PXMP2: variants seen among roughly 807,000 people sequenced by gnomAD.
PXMP2 encodes 22 kDa peroxisomal membrane protein.
In PXMP2, 13 loss-of-function variants were observed where a neutral mutation model predicts 20.2. The ratio of observed to expected loss-of-function variants is 0.64; its 90% CI spans 0.42 to 1.02. The LOEUF is 1.02. Among genes scored for constraint, PXMP2 ranks in the 50% least tolerant of loss-of-function variants. PXMP2 has a pLI of 0.00. For synonymous variants in PXMP2, 113 were observed against 111.2 expected (o/e 1.02, Z -0.10); for missense variants, 284 against 251.8 (o/e 1.13, Z -0.87).
intron 2 of PXMP2, among the ~76,000 whole-genome samples, chr12:132,694,775 T>A (rs2043400197): frequency 8.5e-6 from 1 of 117,414 alleles, no homozygotes; most frequent in African/African-American, 3.2e-5. Flanking sequence ...TGAGTGCCCT[T>A]GCCAGTTAGT....
intron 2 of PXMP2, among the ~76,000 whole-genome samples, chr12:132,694,093 GC>G (rs2043391999): frequency 8.7e-6 from 1 of 114,650 alleles, no homozygotes; most frequent in African/African-American, 3.6e-5. Flanking sequence ...AGCGCCCTTA[GC>G]CAGTTAGTGA....
chr12:132,697,973 G>T (rs1250638038), intron 3 of PXMP2, among the ~76,000 whole-genome samples: 3 of 151,076 alleles, frequency 2.0e-5, no homozygotes, highest in African/African-American at 4.9e-5. Context: ...ATCTCTAGGA[G>T]CACCAGCCAG....
In PXMP2 at chr12:132,696,401, T is replaced by C. The variant is rs1180441028; in HGVS notation, c.399+355T>C. Among the ~76,000 whole-genome samples the C allele has an allele frequency of 6.6e-6, 1 of 152,154 alleles. No individual in the cohort carries two copies. The highest frequency in any genetic ancestry group is 1.5e-5 in the Non-Finnish European group (1 of 68,026). On this transcript the variant is annotated intron_variant, in intron 3 of 4. Transcript: ENST00000317479. The surrounding 1 kb of genome is among the most constrained non-coding windows in gnomAD (Gnocchi z 4.4). ...ACATGTGCGTGCCACCACACCCAGCTAATCAGATATTTTTATATCACATCA... is the reference window on the plus strand; with the variant it reads ...ACATGTGCGTGCCACCACACCCAGCCAATCAGATATTTTTATATCACATCA...
At chr12:132,702,473 G>A (rs1193631048) in intron 4 of PXMP2, 2 of 409,632 alleles carry the variant, frequency 4.9e-6, no homozygotes, top group Admixed American at 5.2e-5. Flanking sequence ...ATGGGGTGCA[G>A]CACCCCCTGC....
chr12:132,704,138 T>C (rs1007921263), intron 4 of PXMP2, among the ~76,000 whole-genome samples: 10 of 152,178 alleles, frequency 6.6e-5, no homozygotes, highest in African/African-American at 2.2e-4. Context: ...AGGGAGAGAC[T>C]CAGCACTGGG....
intron 1 of PXMP2, chr12:132,688,051 G>A (rs1381468168): frequency 4.5e-6 from 1 of 223,236 alleles, no homozygotes; most frequent in Non-Finnish European, 8.1e-6. Context: ...CGGCGCTGAG[G>A]TTCCACCCAA....
intron 2 of PXMP2, among the ~76,000 whole-genome samples, chr12:132,690,885 G>A (rs1020658277): frequency 6.6e-6 from 1 of 151,890 alleles, no homozygotes; most frequent in African/African-American, 2.4e-5. Flanking sequence ...TGGATGGGTA[G>A]GGGTGACTGT....
Position 132,696,134 on chromosome 12 carries a change from G to A in PXMP2, c.399+88G>A. Reference sequence around the variant, plus strand: ...ATTCTCGGCAGAATTCAGAGGGTCTGCAGATTTTTCACTCAAATTGAAATT... The same window carrying A: ...ATTCTCGGCAGAATTCAGAGGGTCTACAGATTTTTCACTCAAATTGAAATT... On this transcript the variant is annotated intron_variant, in intron 3 of 4. Coordinates refer to ENST00000317479, the MANE Select transcript of PXMP2 (RefSeq NM_018663.3). This position sits in a 1 kb window ranked among gnomAD's most constrained non-coding sequence, Gnocchi z 4.4. 7.2e-7 allele frequency: 1 copy of A among 1,396,568 alleles called. No homozygotes were observed. The highest frequency in any genetic ancestry group is 9.5e-7 in the Non-Finnish European group (1 of 1,048,548). 86.5% of individuals were successfully genotyped at this position (1,396,568 alleles called of 1,614,324 possible).
At position 132,695,904 on chromosome 12, in the gene PXMP2, T is replaced by C; in HGVS notation, c.257T>C (p.Leu86Pro). 6.2e-7 allele frequency: 1 copy of C among 1,607,508 alleles called. No homozygotes were observed. The highest frequency in any genetic ancestry group is 8.5e-7 in the Non-Finnish European group (1 of 1,176,830). ...AVYGFFFTGP[L>P]SHFFYFFMEH... ...CTCAGGTTCTTCTTCACAGGGCCGC[T>C]GAGTCACTTCTTCTACTTCTTCATG... The change falls in exon 3 of 5, where the codon CTG (leucine) becomes CCG (proline). Residue 86 changes from leucine (L) to proline (P), a missense_variant. Physicochemically the swap from Leu to Pro is moderately conservative, Grantham distance 98. Coordinates refer to ENST00000317479, the MANE Select transcript of PXMP2 (RefSeq NM_018663.3).
chr12:132,698,578 T>G (rs986435773), intron 3 of PXMP2, among the ~76,000 whole-genome samples: 4 of 152,240 alleles, frequency 2.6e-5, no homozygotes, highest in Admixed American at 6.5e-5. Flanking sequence ...TTTGAAATAT[T>G]CTCATTTCCA....
rs544795992 is a variant in PXMP2, at chr12:132,700,848, CT to C, written c.400-387del. Among the ~76,000 whole-genome samples, 585 of 140,020 alleles carry C rather than the reference CT, an allele frequency of 4.2e-3. 7 individuals carry two copies. The highest frequency in any genetic ancestry group is 0.013 in the African/African-American group (480 of 37,618). The allele number at this position is 140,020 out of a possible 152,430, so 91.9% of individuals were successfully genotyped here. ...CATTTAGAATGAACTTACTGGAGTCCTTTTTTTTTTTTTTTCATAACTCCTA... is the reference window on the plus strand; with the variant it reads ...CATTTAGAATGAACTTACTGGAGTCCTTTTTTTTTTTTTTCATAACTCCTA... On this transcript the variant is annotated intron_variant, in intron 3 of 4. Transcript: ENST00000317479.
intron 2 of PXMP2, among the ~76,000 whole-genome samples, chr12:132,694,006 T>A (rs569567217): frequency 9.0e-6 from 1 of 110,846 alleles, no homozygotes; most frequent in Non-Finnish European, 2.1e-5. Context: ...AGTTAGTTAG[T>A]GAGCTCCCTT....
At chr12:132,694,526 AGCCAGTTAGATAGTGAGCGCCCTT>A (rs2043396815) in intron 2 of PXMP2, among the ~76,000 whole-genome samples, 5 of 64,554 alleles carry the variant, frequency 7.7e-5, no homozygotes, top group Admixed American at 1.6e-4. Flanking sequence ...GAGCGCCCTT[AGCCAGTTAGATAGTGAGCGCCCTT>A]GCCAGTTAGT....
At chr12:132,693,302 A>T (rs371721964) in intron 2 of PXMP2, among the ~76,000 whole-genome samples, 3 of 32,576 alleles carry the variant, frequency 9.2e-5, no homozygotes, top group African/African-American at 1.0e-4. Context: ...AGCCAGTTAG[A>T]TAGTGAGCGC....
rs138286436 is a variant in PXMP2, at chr12:132,696,781, T to C, written c.399+735T>C. ...CGCCACTGCACTCTAGCCTGGGTAA[T>C]AGAGCCAGACTCCGTCTCAAAAACA... On this transcript the variant is annotated intron_variant, in intron 3 of 4. Transcript: ENST00000317479. The surrounding 1 kb of genome is among the most constrained non-coding windows in gnomAD (Gnocchi z 4.4). 0.011 allele frequency among the ~76,000 whole-genome samples: 1,701 copies of C among 149,996 alleles called. 23 individuals are homozygous for C. The highest frequency in any genetic ancestry group is 0.038 in the African/African-American group (1,539 of 40,788).
intron 3 of PXMP2, among the ~76,000 whole-genome samples, chr12:132,699,552 A>G (rs1419297844): frequency 8.1e-6 from 1 of 123,524 alleles, no homozygotes; most frequent in Non-Finnish European, 1.6e-5. Context: ...TTTTTTTGAC[A>G]CAGAGTCTCG....
In PXMP2 at chr12:132,687,642, G is replaced by A; in HGVS notation, c.-29G>A. 2 of 1,154,240 alleles carry A rather than the reference G, an allele frequency of 1.7e-6. No homozygotes were observed. The highest frequency in any genetic ancestry group is 2.1e-6 in the Non-Finnish European group (2 of 939,498). The allele number at this position is 1,154,240 out of a possible 1,614,324, so 71.5% of individuals were successfully genotyped here. A position where few individuals can be genotyped will look rare whatever the true frequency, so the allele number is the denominator to read the frequency against. ...CCGGCCAGCCTGAGGTGGGGTCGGT[G>A]CCCCCGGCGGCACGGCGCTGGGGAG... On this transcript the variant is annotated 5_prime_UTR_variant, in exon 1 of 5. Transcript: ENST00000317479.
chr12:132,691,050 AAT>A (rs1491263192), intron 2 of PXMP2, among the ~76,000 whole-genome samples: 2 of 130,990 alleles, frequency 1.5e-5, no homozygotes, highest in Non-Finnish European at 3.3e-5. Flanking sequence ...TTGTTATTTT[AAT>A]TTTTTTTTTT....
chr12:132,695,868 C>T lies in PXMP2; in HGVS notation c.237-16C>T, dbSNP rs944571277. The T allele has an allele frequency of 6.3e-7, 1 of 1,594,898 alleles. No homozygotes were observed. The highest frequency in any genetic ancestry group is 8.6e-7 in the Non-Finnish European group (1 of 1,168,582). On this transcript the variant is annotated splice_polypyrimidine_tract_variant and intron_variant, in intron 2 of 4. Transcript: ENST00000317479. ...CAGAGAACCACAATCTGGCTCACAC[C>T]CCCTGGGGGCCTCAGGTTCTTCTTC...
Sources: allele counts gnomAD v4.1 joint callset (sites outside exome capture counted in the v4.1 genomes callset), GRCh38; gene constraint gnomAD v4.1.1; non-coding constraint Gnocchi (gnomAD v3.1); transcripts MANE v1.5; gene names NCBI Gene and HGNC (gene_info 2026-07-23, HGNC 2026-07-21).